KALRN: variants seen among roughly 807,000 people sequenced by gnomAD.
KALRN encodes the protein kalirin.
In KALRN, 70 loss-of-function variants were observed where a neutral mutation model predicts 353.7. The ratio of observed to expected loss-of-function variants is 0.20; its 90% CI spans 0.16 to 0.24. The LOEUF (loss-of-function observed/expected upper bound fraction) is 0.24, where lower values mean the gene tolerates loss of function less well. Among genes scored for constraint, KALRN ranks in the 10% least tolerant of loss-of-function variants. The pLI is 1.00. For missense variants in KALRN, 2,791 were observed against 3,756.7 expected (o/e 0.74, Z 6.72); for synonymous variants, 1,391 against 1,434.8 (o/e 0.97, Z 0.69).
intron 1 of KALRN, among the ~76,000 whole-genome samples, chr3:124,140,797 G>C (rs192273902): frequency 6.2e-4 from 94 of 152,304 alleles, no homozygotes; most frequent in African/African-American, 1.9e-3. Flanking sequence ...GCCCTCCCGG[G>C]GGGGGCACAG....
At chr3:124,291,705 G>T (rs542938334) in intron 5 of KALRN, among the ~76,000 whole-genome samples, 1 of 152,302 alleles carries the variant, frequency 6.6e-6, no homozygotes, top group African/African-American at 2.4e-5. Flanking sequence ...TCAGTGAGAT[G>T]TTTGGCATCC....
chr3:124,219,937 G>GT (rs373536798), intron 1 of KALRN, among the ~76,000 whole-genome samples: 3,750 of 146,902 alleles, frequency 0.026, 160 homozygotes, highest in African/African-American at 0.088. Context: ...TTGGTGGTAG[G>GT]TTTTTTTTTT....
At chr3:124,255,780 A>G (rs2071877338) in intron 3 of KALRN, among the ~76,000 whole-genome samples, 1 of 152,206 alleles carries the variant, frequency 6.6e-6, no homozygotes, top group Non-Finnish European at 1.5e-5. Context: ...ACTTCTTGGA[A>G]GAAGAGGCTT....
chr3:124,511,025 G>A (rs1202268454), intron 33 of KALRN, among the ~76,000 whole-genome samples: 1 of 152,042 alleles, frequency 6.6e-6, no homozygotes, highest in Non-Finnish European at 1.5e-5. Context: ...AAACAAAACA[G>A]GCTGGTTTTC....
chr3:124,238,593 C>T (rs188794215), intron 3 of KALRN, among the ~76,000 whole-genome samples: 9 of 152,326 alleles, frequency 5.9e-5, no homozygotes, highest in African/African-American at 2.2e-4. Flanking sequence ...TTACCACCCC[C>T]ACCAATATGC....
rs553331628 is a variant in KALRN, at chr3:124,121,430, A to G, written c.73+87617A>G. Among the ~76,000 whole-genome samples the G allele has an allele frequency of 2.6e-5, 4 of 152,358 alleles. No homozygotes were observed. The South Asian group carries it at 8.3e-4, about 32-fold the overall frequency. On this transcript the variant is annotated intron_variant, in intron 1 of 59. Transcript: ENST00000682506. ...CAAGCTTGAGTTAGATATTTAAAAC[A>G]TGACAGAAATTGGGTGGCAGTGGAG...
At chr3:124,270,528 T>G (rs1230888425) in intron 5 of KALRN, among the ~76,000 whole-genome samples, 1 of 152,164 alleles carries the variant, frequency 6.6e-6, no homozygotes, top group Non-Finnish European at 1.5e-5. Context: ...GTATATGCAG[T>G]TTTTTTAATG....
chr3:124,462,381 G>T, intron 24 of KALRN, 143 bp from the exon 25 acceptor site: 1 of 579,138 alleles, frequency 1.7e-6, no homozygotes, highest in Non-Finnish European at 3.1e-6. Flanking sequence ...TTTCTCTTAT[G>T]TTTACTTAAC....
chr3:124,289,491 TA>T (rs542829646), intron 5 of KALRN, among the ~76,000 whole-genome samples: 123 of 149,008 alleles, frequency 8.3e-4, no homozygotes, highest in South Asian at 5.6e-3. Flanking sequence ...TTTCTCTACC[TA>T]AAAAAAAAAT....
At position 124,563,080 on chromosome 3, in the gene KALRN, T is replaced by A. The variant is rs377555886; in HGVS notation, c.5173T>A (p.Leu1725Met). 2.2e-6 allele frequency: 3 copies of A among 1,367,346 alleles called. No homozygotes were observed. In the African/African-American group the frequency reaches 4.4e-5, roughly 20 times the overall value. 84.7% of individuals were successfully genotyped at this position (1,367,346 alleles called of 1,614,324 possible). Residue 1725 changes from leucine to methionine, a missense_variant, in exon 34 of 60, where the codon TTG becomes ATG. Leu to Met is a conservative substitution (Grantham distance 15, BLOSUM62 2). This residue lies in a region of KALRN where 239 missense variants were observed against 351.3 expected (regional missense o/e 0.68). Coordinates refer to ENST00000682506, the MANE Select transcript of KALRN (RefSeq NM_001388419.1). ...CGTGGAGATGGACTGCTTCTTCCCC[T>A]TGGTGAAAGGTAGGAGAACAGAGCG... Reference protein sequence around the residue: ...SSVEMDCFFPLVKDAYSHSSS... With the variant: ...SSVEMDCFFPMVKDAYSHSSS...
chr3:124,691,478 A>C (rs544113362), intron 51 of KALRN, among the ~76,000 whole-genome samples: 1 of 152,322 alleles, frequency 6.6e-6, no homozygotes, highest in African/African-American at 2.4e-5. Flanking sequence ...CTGATTGCAG[A>C]ATATTTGGGA....
chr3:124,455,500 C>A, intron 22 of KALRN, 141 bp downstream of exon 22: 1 of 761,034 alleles, frequency 1.3e-6, no homozygotes, highest in Non-Finnish European at 2.1e-6. Context: ...ACTTGTGTGG[C>A]TTTTCTAGTG....
At chr3:124,497,617 A>C (rs191421306) in intron 33 of KALRN, among the ~76,000 whole-genome samples, 7 of 152,210 alleles carry the variant, frequency 4.6e-5, no homozygotes, top group Non-Finnish European at 7.3e-5. Flanking sequence ...TCTACTGACT[A>C]TCAGAGTGGA....
chr3:124,159,927 T>G (rs971554044), intron 1 of KALRN, among the ~76,000 whole-genome samples: 1 of 151,714 alleles, frequency 6.6e-6, no homozygotes. Flanking sequence ...ATAGCAGTGA[T>G]GATGAGCAGG....
rs530097876 is a variant in KALRN at position 124,185,599 on chromosome 3, G to A, written c.74-42391G>A. Among the ~76,000 whole-genome samples, 4 of 152,314 alleles carry A rather than the reference G, an allele frequency of 2.6e-5. No individual in the cohort carries two copies. In the East Asian group the frequency reaches 7.7e-4, roughly 29 times the overall value. ...CTGTCTGGTGCTGACTCTGTCGTGA[G>A]CAGTAGTTGCTCCAGAGTTTGTTCC... On this transcript the variant is annotated intron_variant, in intron 1 of 59. Coordinates refer to ENST00000682506, the MANE Select transcript of KALRN (RefSeq NM_001388419.1).
Position 124,607,802 on chromosome 3 carries a change from G to A in KALRN, c.5183-24618G>A, listed in dbSNP as rs1367689598. Among the ~76,000 whole-genome samples the A allele has an allele frequency of 2.6e-5, 4 of 151,880 alleles. No individual in the cohort carries two copies. In the Middle Eastern group the frequency reaches 9.5e-3, roughly 360 times the overall value. ...TGGCTAATTTTGTATTTTTAGTAGAGACACGTTGACCAGGCTGATCTCAAA... is the reference window on the plus strand; with the variant it reads ...TGGCTAATTTTGTATTTTTAGTAGAAACACGTTGACCAGGCTGATCTCAAA... On this transcript the variant is annotated intron_variant, in intron 34 of 59. Coordinates refer to ENST00000682506, the MANE Select transcript of KALRN (RefSeq NM_001388419.1).
chr3:124,353,166 C>T (rs2083020224), intron 10 of KALRN, among the ~76,000 whole-genome samples: 1 of 151,902 alleles, frequency 6.6e-6, no homozygotes, highest in Non-Finnish European at 1.5e-5. Context: ...CTTAGTAAAA[C>T]TGGAACTATA....
At chr3:124,167,102 A>G (rs974280967) in intron 1 of KALRN, among the ~76,000 whole-genome samples, 5 of 152,186 alleles carry the variant, frequency 3.3e-5, no homozygotes, top group Non-Finnish European at 7.3e-5. Context: ...CAAATAGGTG[A>G]CTGGACAGGT....
At chr3:124,151,372 T>C (rs117252022) in intron 1 of KALRN, among the ~76,000 whole-genome samples, 1 of 152,352 alleles carries the variant, frequency 6.6e-6, no homozygotes, top group East Asian at 1.9e-4. Flanking sequence ...CATTTTGGCT[T>C]TTCTGCTAGG....
Sources: allele counts gnomAD v4.1 joint callset (sites outside exome capture counted in the v4.1 genomes callset), GRCh38; gene constraint gnomAD v4.1.1; regional missense constraint gnomAD v4.1.1; transcripts MANE v1.5; gene names NCBI Gene and HGNC (gene_info 2026-07-23, HGNC 2026-07-21).